The following ATG7 variants were observed in gnomAD, a reference collection of about 807,000 sequenced individuals.
The protein encoded by ATG7 is autophagy related 7, also known as ubiquitin-like modifier-activating enzyme ATG7.
A neutral mutation model predicts 82.4 loss-of-function variants in ATG7; 70 were observed. That is an observed-to-expected ratio of 0.85 (90% CI 0.70 to 1.04). The LOEUF (loss-of-function observed/expected upper bound fraction) is 1.04. Among genes scored for constraint, ATG7 ranks in the 50% least tolerant of loss-of-function variants. ATG7 has a pLI of 0.00. For synonymous variants in ATG7, 287 were observed against 313.0 expected (o/e 0.92, Z 0.88); for missense variants, 792 against 864.3 (o/e 0.92, Z 1.05).
intron 20 of ATG7, among the ~76,000 whole-genome samples, chr3:11,522,005 C>T (rs1488769032): frequency 2.0e-5 from 3 of 152,134 alleles, no homozygotes; most frequent in African/African-American, 7.2e-5. Context: ...ACGTAGCTAC[C>T]ATTGTTATCT....
At chr3:11,362,382 C>T (rs1012585793) in intron 16 of ATG7, among the ~76,000 whole-genome samples, 1 of 152,192 alleles carries the variant, frequency 6.6e-6, no homozygotes, top group Non-Finnish European at 1.5e-5. Context: ...TCCCATCTCA[C>T]GGTCACTTTG....
chr3:11,574,165 CT>C, the ATG7 span, among the ~76,000 whole-genome samples: 2 of 152,182 alleles, frequency 1.3e-5, no homozygotes, highest in African/African-American at 2.4e-5. Context: ...ATCTGTGGCC[CT>C]GTGTTATGGC....
intron 7 of ATG7, among the ~76,000 whole-genome samples, chr3:11,311,019 A>T (rs1399108925): frequency 1.3e-5 from 2 of 152,234 alleles, no homozygotes; most frequent in African/African-American, 4.8e-5. Flanking sequence ...TGTACCAAGA[A>T]TTCTCATAGT....
At chr3:11,390,125 C>T (rs929923771) in intron 19 of ATG7, among the ~76,000 whole-genome samples, 5 of 152,296 alleles carry the variant, frequency 3.3e-5, no homozygotes, top group East Asian at 1.9e-4. Context: ...AGCTCAACAT[C>T]GCTCTTTCTT....
chr3:11,532,368 G>A lies in ATG7; in HGVS notation c.2080-22443G>A, dbSNP rs190790834. On this transcript the variant is annotated intron_variant, in intron 20 of 20. Transcript: ENST00000693202. ...AGAGGAGGAAACGGAGGAGGACAGA[G>A]CTGAGTCTGGAAAGAGGAGGTGGAG... 3.3e-5 allele frequency among the ~76,000 whole-genome samples: 5 copies of A among 152,288 alleles called. No individual in the cohort carries two copies. In the East Asian group the frequency reaches 9.7e-4, roughly 29 times the overall value.
At chr3:11,451,004 C>A (rs997883231) in intron 20 of ATG7, among the ~76,000 whole-genome samples, 1 of 152,138 alleles carries the variant, frequency 6.6e-6, no homozygotes, top group African/African-American at 2.4e-5. Context: ...TTGCCTGTAC[C>A]AAATACAGTC....
intron 20 of ATG7, among the ~76,000 whole-genome samples, chr3:11,484,703 C>G (rs1184388057): frequency 1.3e-5 from 2 of 152,142 alleles, no homozygotes; most frequent in African/African-American, 4.8e-5. Context: ...CTCCCCTGAC[C>G]CCACGACAGT....
chr3:11,564,887 C>G, the ATG7 span: 1 of 1,608,216 alleles, frequency 6.2e-7, no homozygotes, highest in Non-Finnish European at 8.5e-7. Context: ...GGGGCTGCTC[C>G]AGGCCAAGGC....
chr3:11,537,015 A>G (rs959684124), intron 20 of ATG7, among the ~76,000 whole-genome samples: 1 of 151,998 alleles, frequency 6.6e-6, no homozygotes, highest in South Asian at 2.1e-4. Flanking sequence ...TCTGCAGTTT[A>G]GAATAAACCC....
chr3:11,573,235 AAAAGAAATAGAGAAAGAAAGAAAG>A, the ATG7 span, among the ~76,000 whole-genome samples: 6 of 119,242 alleles, frequency 5.0e-5, no homozygotes, highest in East Asian at 7.0e-4. Flanking sequence ...AGACAGAAAG[AAAAGAAATAGAGAAAGAAAGAAAG>A]AAAGAAAGAA....
chr3:11,303,634 C>T (rs953228792), intron 5 of ATG7, among the ~76,000 whole-genome samples: 1 of 151,124 alleles, frequency 6.6e-6, no homozygotes, highest in African/African-American at 2.4e-5. Flanking sequence ...TGCCACTGCA[C>T]TCCGGCCTGG....
intron 19 of ATG7, among the ~76,000 whole-genome samples, chr3:11,422,839 C>T (rs2082058448): frequency 1.4e-5 from 2 of 147,112 alleles, no homozygotes; most frequent in East Asian, 2.0e-4. Context: ...ACTGCAACGT[C>T]CGCCTCCTGG....
At chr3:11,352,277 G>A (rs966822318) in intron 14 of ATG7, among the ~76,000 whole-genome samples, 4 of 152,262 alleles carry the variant, frequency 2.6e-5, no homozygotes, top group African/African-American at 9.6e-5. Context: ...TTGGTTCCAA[G>A]TCTTTGCTAT....
At chr3:11,569,391 C>T in the ATG7 span, among the ~76,000 whole-genome samples, 2 of 152,188 alleles carry the variant, frequency 1.3e-5, no homozygotes, top group African/African-American at 2.4e-5. Context: ...GGTGCTCCCA[C>T]CCAGTGAAAG....
intron 11 of ATG7, among the ~76,000 whole-genome samples, chr3:11,338,344 TA>T (rs1952889159): frequency 6.6e-6 from 1 of 152,226 alleles, no homozygotes; most frequent in South Asian, 2.1e-4. Context: ...ACATTTTCTT[TA>T]TCCAGTCTGT....
intron 12 of ATG7, among the ~76,000 whole-genome samples, chr3:11,340,938 G>C (rs899339296): frequency 6.6e-6 from 1 of 152,184 alleles, no homozygotes; most frequent in Non-Finnish European, 1.5e-5. Flanking sequence ...CTCTTCATCT[G>C]TTCTAGACAT....
intron 19 of ATG7, among the ~76,000 whole-genome samples, chr3:11,419,783 A>G (rs1013104782): frequency 1.3e-5 from 2 of 152,208 alleles, no homozygotes; most frequent in Non-Finnish European, 2.9e-5. Context: ...TACTCTAAAA[A>G]TCATGTTTTA....
At position 11,444,160 on chromosome 3, in the gene ATG7, G is replaced by A. The variant is rs369495329; in HGVS notation, c.2079+17234G>A. ...TGCTGTGCGGCTAAAGTTCATTTTC[G>A]TTGCTATGTAGTGTTTCATAATTGG... On this transcript the variant is annotated intron_variant, in intron 20 of 20. Coordinates refer to ENST00000693202, the MANE Select transcript of ATG7 (RefSeq NM_001349232.2). Among the ~76,000 whole-genome samples, 22 of 152,154 alleles carry A rather than the reference G, an allele frequency of 1.4e-4. No individual in the cohort carries two copies. The East Asian group carries it at 3.3e-3, about 23-fold the overall frequency.
At chr3:11,469,170 C>T (rs1456764960) in intron 20 of ATG7, among the ~76,000 whole-genome samples, 1 of 152,198 alleles carries the variant, frequency 6.6e-6, no homozygotes, top group African/African-American at 2.4e-5. Flanking sequence ...TAAAATAAGG[C>T]CGGGTGCAGT....
Sources: gnomAD v4.1 joint callset for allele counts (sites outside exome capture counted in the v4.1 genomes callset) on GRCh38, gnomAD v4.1.1 for gene constraint, MANE v1.5 for transcripts, NCBI Gene and HGNC (gene_info 2026-07-23, HGNC 2026-07-21) for gene names.